Variants in SNX29 observed in about 807,000 individuals in gnomAD.
SNX29 encodes the protein sorting nexin-29.
Under a neutral mutation model 102.1 loss-of-function variants are expected in SNX29, and 78 were observed. The ratio of observed to expected loss-of-function variants is 0.76; its 90% CI spans 0.64 to 0.92. SNX29 has a LOEUF of 0.92. SNX29 is among the 40% of genes least tolerant of loss of function. SNX29 has a pLI of 0.00. For synonymous variants in SNX29, 580 were observed against 414.5 expected, an observed-to-expected ratio of 1.40 and a Z score of -4.85; for missense variants, 1,280 against 1,061.7, an observed-to-expected ratio of 1.21 and a Z score of -2.86.
In SNX29 at chr16:12,240,585, C is replaced by CTTTTTTTTT. The variant is rs1180028807; in HGVS notation, c.1679-37329_1679-37321dup. ...ATAAAATAGCATTTCTTTGTCATTT[C>CTTTTTTTTT]TTTTTTTTTTTTTTTTTTTTTTTTT... On this transcript the variant is annotated intron_variant, in intron 14 of 20. Transcript: ENST00000566228. 4.4e-3 allele frequency among the ~76,000 whole-genome samples: 283 copies of CTTTTTTTTT among 64,804 alleles called. 69 individuals carry two copies. Among genetic ancestry groups the CTTTTTTTTT allele is most frequent in the African/African-American group, 8.4e-3 (149 of 17,666 alleles). The allele number at this position is 64,804 out of a possible 152,430, so 42.5% of individuals were successfully genotyped here. A position where few individuals can be genotyped will look rare whatever the true frequency, so the allele number is the denominator to read the frequency against.
intron 1 of SNX29, among the ~76,000 whole-genome samples, chr16:11,987,735 T>A (rs1017177453): frequency 4.6e-5 from 7 of 152,312 alleles, no homozygotes; most frequent in Middle Eastern, 3.4e-3. Flanking sequence ...AAATGGAAAT[T>A]AAAGCAAGTA....
chr16:12,294,836 C>T (rs1263987136), intron 15 of SNX29, among the ~76,000 whole-genome samples: 4 of 152,110 alleles, frequency 2.6e-5, no homozygotes, highest in African/African-American at 9.7e-5. Flanking sequence ...CTGTCCCTTC[C>T]TGTATTAGCC....
chr16:12,202,498 C>T lies in SNX29; in HGVS notation c.1678+2815C>T, dbSNP rs139964575. On this transcript the variant is annotated intron_variant, in intron 14 of 20. Transcript: ENST00000566228. ...AGGGCAAATTCTTCATGCTCTTCCT[C>T]CAGCATTAGAACCTTGGTGCAAGGG... Among the ~76,000 whole-genome samples, 100 of 152,302 alleles carry T rather than the reference C, an allele frequency of 6.6e-4. 2 individuals carry two copies. The East Asian group carries it at 0.014, about 22-fold the overall frequency.
Position 12,203,880 on chromosome 16 carries a change from A to T in SNX29, c.1678+4197A>T, listed in dbSNP as rs141856554. ...TGGCTTGAGTGACTTCCCCATCCAC[A>T]TGTGGGTAGTGAACATCTGTGTCCT... is the stretch of plus-strand genomic sequence containing the variant. On this transcript the variant is annotated intron_variant, in intron 14 of 20. Coordinates refer to ENST00000566228, the MANE Select transcript of SNX29 (RefSeq NM_032167.5). Among the ~76,000 whole-genome samples, 684 of 152,270 alleles carry T rather than the reference A, an allele frequency of 4.5e-3. 20 individuals are homozygous for T. Among genetic ancestry groups the T allele is most frequent in the Admixed American group, 0.037 (569 of 15,288 alleles).
At chr16:12,492,181 G>A (rs543916162) in intron 19 of SNX29, among the ~76,000 whole-genome samples, 3 of 152,088 alleles carry the variant, frequency 2.0e-5, no homozygotes, top group Non-Finnish European at 2.9e-5. Context: ...CCACATCCTC[G>A]CCAGCACCTG....
In SNX29 at chr16:12,279,207, C is replaced by T. The variant is rs2079351936; in HGVS notation, c.1782+1171C>T. Reference sequence around the variant, plus strand: ...AGTTTTATTTTGATAATCAAGAAGACACTCGCTCATTGCTGTGTAGACATA... The same window carrying T: ...AGTTTTATTTTGATAATCAAGAAGATACTCGCTCATTGCTGTGTAGACATA... On this transcript the variant is annotated intron_variant, in intron 15 of 20. Transcript: ENST00000566228. Among the ~76,000 whole-genome samples, 7 of 152,250 alleles carry T rather than the reference C, an allele frequency of 4.6e-5. No individual in the cohort carries two copies. In the South Asian group the frequency reaches 1.5e-3, roughly 32 times the overall value.
intron 14 of SNX29, among the ~76,000 whole-genome samples, chr16:12,200,714 A>G (rs112497545): frequency 0.018 from 2,766 of 151,970 alleles, 80 homozygotes; most frequent in African/African-American, 0.064. Context: ...TGAACTCCTG[A>G]CTCCAGGTGA....
rs562300606 is a variant in SNX29 at position 12,036,382 on chromosome 16, T to C, written c.248-6515T>C. ...CAGAGTCTTGCTCTGTTGCCCAGGC[T>C]GGAGTGCAGTGGCACCATCTCGGCT... On this transcript the variant is annotated intron_variant, in intron 4 of 20. Coordinates refer to ENST00000566228, the MANE Select transcript of SNX29 (RefSeq NM_032167.5). Among the ~76,000 whole-genome samples, 193 of 147,810 alleles carry C rather than the reference T, an allele frequency of 1.3e-3. No homozygotes were observed. The Middle Eastern group carries it at 0.018, about 14-fold the overall frequency.
At chr16:12,507,637 TG>T (rs754850777) in intron 19 of SNX29, among the ~76,000 whole-genome samples, 26 of 152,190 alleles carry the variant, frequency 1.7e-4, no homozygotes, top group Non-Finnish European at 3.8e-4. Flanking sequence ...GAGCCTGAGT[TG>T]GGACATGTCT....
At chr16:12,474,322 C>T (rs1166819794) in intron 18 of SNX29, among the ~76,000 whole-genome samples, 2 of 152,168 alleles carry the variant, frequency 1.3e-5, no homozygotes, top group African/African-American at 4.8e-5. Flanking sequence ...CAGATTTAGG[C>T]CTCATGAGTT....
At chr16:12,520,142 C>T (rs993206427) in intron 19 of SNX29, among the ~76,000 whole-genome samples, 11 of 152,196 alleles carry the variant, frequency 7.2e-5, no homozygotes, top group African/African-American at 2.4e-4. Context: ...CGATTCAGGC[C>T]AGGGTGTCTG....
At chr16:12,526,267 G>C (rs2076780587) in intron 20 of SNX29, among the ~76,000 whole-genome samples, 1 of 152,138 alleles carries the variant, frequency 6.6e-6, no homozygotes, top group African/African-American at 2.4e-5. Context: ...CCCCTCTGTG[G>C]GGTGCACCTT....
intron 14 of SNX29, among the ~76,000 whole-genome samples, chr16:12,213,965 C>G (rs1256179723): frequency 6.6e-6 from 1 of 152,120 alleles, no homozygotes; most frequent in African/African-American, 2.4e-5. Flanking sequence ...ATGGAGGGTG[C>G]TAAAGTCCCA....
At position 12,089,131 on chromosome 16, in the gene SNX29, G is replaced by A. The variant is rs578004223; in HGVS notation, c.1402+10216G>A. 1.1e-4 allele frequency among the ~76,000 whole-genome samples: 16 copies of A among 150,748 alleles called. No homozygotes were observed. In the East Asian group the frequency reaches 3.0e-3, roughly 28 times the overall value. ...AGGAGAGAGAGAGAGAGAGAAAAGAGAGAGAGAGAGAGAAAAGAGAAAGAG... is the reference window on the plus strand; with the variant it reads ...AGGAGAGAGAGAGAGAGAGAAAAGAAAGAGAGAGAGAGAAAAGAGAAAGAG... On this transcript the variant is annotated intron_variant, in intron 11 of 20. Coordinates refer to ENST00000566228, the MANE Select transcript of SNX29 (RefSeq NM_032167.5).
At chr16:12,503,053 G>A in intron 19 of SNX29, among the ~76,000 whole-genome samples, 1 of 152,000 alleles carries the variant, frequency 6.6e-6, no homozygotes, top group East Asian at 1.9e-4. Context: ...ACATCATTCT[G>A]ACAAGGGGCC....
At chr16:12,566,499 C>G (rs932906582) in intron 20 of SNX29, among the ~76,000 whole-genome samples, 5 of 152,174 alleles carry the variant, frequency 3.3e-5, no homozygotes, top group African/African-American at 9.7e-5. Flanking sequence ...TGGTTGCAGG[C>G]TAAGTGGCTG....
chr16:12,167,894 G>A (rs1419739751), intron 13 of SNX29, among the ~76,000 whole-genome samples: 17 of 152,214 alleles, frequency 1.1e-4, no homozygotes. Context: ...GCATGTGGCA[G>A]CAGCAGAGGT....
intron 14 of SNX29, among the ~76,000 whole-genome samples, chr16:12,207,963 G>A (rs2077087967): frequency 6.6e-6 from 1 of 152,116 alleles, no homozygotes; most frequent in Non-Finnish European, 1.5e-5. Flanking sequence ...GTACACAACA[G>A]GTGCTTAATA....
intron 15 of SNX29, among the ~76,000 whole-genome samples, chr16:12,310,022 G>C (rs1402643962): frequency 7.8e-6 from 1 of 127,630 alleles, no homozygotes; most frequent in Admixed American, 8.0e-5. Context: ...ACGCACGCTT[G>C]CACACATGGA....
Sources: gnomAD v4.1 joint callset for allele counts (sites outside exome capture counted in the v4.1 genomes callset) on GRCh38, gnomAD v4.1.1 for gene constraint, MANE v1.5 for transcripts, NCBI Gene and HGNC (gene_info 2026-07-23, HGNC 2026-07-21) for gene names.